Variants in GSG1 observed in about 807,000 individuals in gnomAD.
GSG1 encodes germ cell associated 1, also known as germ cell-specific gene 1 protein.
A neutral mutation model predicts 30.8 loss-of-function variants in GSG1; 28 were observed. The ratio of observed to expected loss-of-function variants is 0.91; its 90% CI spans 0.67 to 1.25. The LOEUF (loss-of-function observed/expected upper bound fraction) is 1.25, where lower values mean the gene tolerates loss of function less well. Among genes scored for constraint, GSG1 ranks in the 50% most tolerant of loss-of-function variants. The pLI is 0.00. For missense variants in GSG1, 435 were observed against 444.7 expected, an observed-to-expected ratio of 0.98 and a Z score of 0.20; for synonymous variants, 162 against 178.0, an observed-to-expected ratio of 0.91 and a Z score of 0.71.
chr12:13,095,467 A>G, intron 1 of GSG1: 1 of 918,214 alleles, frequency 1.1e-6, no homozygotes, highest in South Asian at 1.3e-5. Context: ...GCATATATTA[A>G]CAGAGTAACC....
At position 13,089,234 on chromosome 12, in the gene GSG1, C is replaced by A; in HGVS notation, c.407G>T (p.Arg136Leu). The change falls in exon 3 of 7, where the codon CGG (arginine) becomes CTG (leucine). Residue 136 changes from arginine (R) to leucine (L), a missense_variant. By Grantham distance (102) the Arg-to-Leu change is moderately radical. Transcript: ENST00000651961. ...TTTTGCTGCCGCTGTACCACTGGAC[C>A]GAAGGGCTCTAAATTGTTTCCAGGA... ...PQSWKQFRAL[R>L]SSGTAAAKGE... The A allele has an allele frequency of 6.4e-7, 1 of 1,558,916 alleles. No individual in the cohort carries two copies.
intron 2 of GSG1, 40 bp from the exon 3 acceptor site, chr12:13,089,316 AT>A (rs747639565): frequency 1.9e-6 from 3 of 1,549,712 alleles, no homozygotes; most frequent in Middle Eastern, 1.8e-4. Flanking sequence ...AAATACACAC[AT>A]TTTTTTAATT....
intron 1 of GSG1, among the ~76,000 whole-genome samples, chr12:13,096,590 G>C (rs1403286243): frequency 1.3e-5 from 2 of 151,996 alleles, no homozygotes; most frequent in East Asian, 3.8e-4. Context: ...TAGGATTGGA[G>C]ATAAATGAAT....
intron 3 of GSG1, 74 bp downstream of exon 3, chr12:13,089,134 G>T: frequency 1.4e-6 from 2 of 1,438,762 alleles, no homozygotes; most frequent in Non-Finnish European, 1.9e-6. Flanking sequence ...ATGTTTCCAT[G>T]AGAGCACCTA....
At chr12:13,089,685 G>T (rs1865895456) in intron 2 of GSG1, among the ~76,000 whole-genome samples, 1 of 152,188 alleles carries the variant, frequency 6.6e-6, no homozygotes, top group Admixed American at 6.5e-5. Context: ...ATACTTTGGG[G>T]CCAGGAAGAG....
chr12:13,097,886 T>C (rs1862851070), intron 1 of GSG1, among the ~76,000 whole-genome samples: 1 of 152,154 alleles, frequency 6.6e-6, no homozygotes, highest in Non-Finnish European at 1.5e-5. Flanking sequence ...ATTTGTGCAG[T>C]TCGTTTAGGG....
In GSG1 at chr12:13,090,599, C is replaced by G; in HGVS notation, c.268G>C (p.Val90Leu). ...TCCCCAGTCTCCCAGTTGTATTGTA[C>G]CACCTCCTGGGTGGATGTGTTGGTA... ...GDTNTSTQEVVQYNWETGDDR... is the reference protein window; with the variant it reads ...GDTNTSTQEVLQYNWETGDDR... The change falls in exon 2 of 7, where the codon GTA becomes CTA. Residue 90 changes from valine to leucine, a missense_variant. Val to Leu is a conservative substitution (Grantham distance 32). Transcript: ENST00000651961. 1 of 1,614,250 alleles carries G rather than the reference C, an allele frequency of 6.2e-7. No homozygotes were observed. Among genetic ancestry groups the G allele is most frequent in the Non-Finnish European group, 8.5e-7 (1 of 1,180,036 alleles).
chr12:13,085,863 A>G (rs1865470441), intron 6 of GSG1, among the ~76,000 whole-genome samples: 1 of 152,182 alleles, frequency 6.6e-6, no homozygotes, highest in Admixed American at 6.5e-5. Context: ...CTTCATATGG[A>G]AACAGTGTGG....
intron 1 of GSG1, among the ~76,000 whole-genome samples, chr12:13,103,043 T>C (rs1863331751): frequency 6.6e-6 from 1 of 152,240 alleles, no homozygotes; most frequent in Admixed American, 6.5e-5. Flanking sequence ...TGTCTGCTCT[T>C]TCAGCTCACT....
At chr12:13,090,441 C>T (rs1010087107) in intron 2 of GSG1, 62 bp downstream of exon 2, 5 of 1,482,996 alleles carry the variant, frequency 3.4e-6, no homozygotes, top group Admixed American at 1.9e-5. Context: ...GATTTCCATG[C>T]CTGCATTAGA....
intron 4 of GSG1, among the ~76,000 whole-genome samples, chr12:13,088,415 C>T (rs956742370): frequency 6.6e-6 from 1 of 152,140 alleles, no homozygotes; most frequent in African/African-American, 2.4e-5. Context: ...TCCCTCCCTG[C>T]CTCCCTTCTT....
chr12:13,100,278 C>T (rs1863101620), intron 1 of GSG1, among the ~76,000 whole-genome samples: 1 of 152,208 alleles, frequency 6.6e-6, no homozygotes, highest in Non-Finnish European at 1.5e-5. Context: ...CAGGACGCTT[C>T]TGGATTCACG....
chr12:13,097,961 G>C (rs1862855370), intron 1 of GSG1, among the ~76,000 whole-genome samples: 1 of 152,152 alleles, frequency 6.6e-6, no homozygotes, highest in African/African-American at 2.4e-5. Context: ...CAAATGAGTT[G>C]CTTCGGATCC....
At chr12:13,095,277 A>C (rs1866564123) in intron 1 of GSG1, among the ~76,000 whole-genome samples, 1 of 152,210 alleles carries the variant, frequency 6.6e-6, no homozygotes, top group Non-Finnish European at 1.5e-5. Context: ...GTTTCCATAA[A>C]GTGATCCTGA....
chr12:13,084,843 G>T lies in GSG1; in HGVS notation c.*58C>A. On this transcript the variant is annotated 3_prime_UTR_variant, in exon 7 of 7. Coordinates refer to ENST00000651961, the MANE Select transcript of GSG1 (RefSeq NM_001080555.4). ...ACGGATGTTGGCTTAAGCACATGTT[G>T]ATAATCAGCAGACGTGTAAGGTAGG... The T allele has an allele frequency of 8.8e-7, 1 of 1,138,536 alleles. No homozygotes were observed. Among genetic ancestry groups the T allele is most frequent in the South Asian group, 1.5e-5 (1 of 64,984 alleles). 70.5% of individuals were successfully genotyped at this position (1,138,536 alleles called of 1,614,324 possible).
At chr12:13,089,515 A>G (rs1427147354) in intron 2 of GSG1, among the ~76,000 whole-genome samples, 1 of 152,074 alleles carries the variant, frequency 6.6e-6, no homozygotes, top group Non-Finnish European at 1.5e-5. Flanking sequence ...ACGCACATCG[A>G]CCAGCACCTG....
At chr12:13,086,261 G>T (rs1865510088) in intron 6 of GSG1, among the ~76,000 whole-genome samples, 1 of 152,220 alleles carries the variant, frequency 6.6e-6, no homozygotes, top group Non-Finnish European at 1.5e-5. Context: ...AAGGTGAGAA[G>T]TGCTGGATCT....
chr12:13,099,750 G>GTTTTTT (rs57762367), intron 1 of GSG1, among the ~76,000 whole-genome samples: 1,198 of 114,700 alleles, frequency 0.01, 14 homozygotes, highest in Middle Eastern at 0.032. Flanking sequence ...GTTTTTTTTT[G>GTTTTTT]TTTTTTTTTT....
At position 13,101,296 on chromosome 12, in the gene GSG1, G is replaced by T. The variant is rs1453229921; in HGVS notation, c.48+2169C>A. Reference sequence around the variant, plus strand: ...ACGCGCCGTCTCTCCCGTTTACTACGGCGCCCGGTCGCCTAGCAGCGGGGC... The same window carrying T: ...ACGCGCCGTCTCTCCCGTTTACTACTGCGCCCGGTCGCCTAGCAGCGGGGC... On this transcript the variant is annotated intron_variant, in intron 1 of 6. Transcript: ENST00000651961. The surrounding 1 kb of genome is among the most constrained non-coding windows in gnomAD (Gnocchi z 5.8). 6.6e-6 allele frequency among the ~76,000 whole-genome samples: 1 copy of T among 152,210 alleles called. No homozygotes were observed. The highest frequency in any genetic ancestry group is 2.4e-5 in the African/African-American group (1 of 41,462).
Sources: allele counts gnomAD v4.1 joint callset (sites outside exome capture counted in the v4.1 genomes callset), GRCh38; gene constraint gnomAD v4.1.1; non-coding constraint Gnocchi (gnomAD v3.1); transcripts MANE v1.5; gene names NCBI Gene and HGNC (gene_info 2026-07-23, HGNC 2026-07-21).